CNTNAP4: variants seen among roughly 807,000 people sequenced by gnomAD.
CNTNAP4 encodes contactin associated protein family member 4, also known as contactin-associated protein-like 4.
Under a neutral mutation model 148.4 loss-of-function variants are expected in CNTNAP4, and 98 were observed. That is an observed-to-expected ratio of 0.66 (90% CI 0.56 to 0.78). The LOEUF is 0.78. CNTNAP4 is among the 30% of genes least tolerant of loss of function. CNTNAP4 has a pLI of 0.00. For missense variants in CNTNAP4, 1,935 were observed against 1,565.6 expected (o/e 1.24, Z -3.98); for synonymous variants, 730 against 565.1 (o/e 1.29, Z -4.14).
At chr16:76,512,125 C>A (rs1233399496) in intron 15 of CNTNAP4, among the ~76,000 whole-genome samples, 5 of 151,962 alleles carry the variant, frequency 3.3e-5, no homozygotes, top group Non-Finnish European at 7.4e-5. Flanking sequence ...GCCATATGGT[C>A]CAAGTGTTTG....
chr16:76,292,979 T>G (rs564054443), intron 1 of CNTNAP4, among the ~76,000 whole-genome samples: 23 of 152,240 alleles, frequency 1.5e-4, no homozygotes, highest in African/African-American at 5.5e-4. Flanking sequence ...ACTGATTAAT[T>G]CCAGCCACTT....
Position 76,317,708 on chromosome 16 carries a change from AGTGTGTGTGTGT to A in CNTNAP4, c.196+1192_196+1203del, listed in dbSNP as rs146648270. ...ACATTGGACATGACAAATAGGTAAG[AGTGTGTGTGTGT>A]GTGTGTATGTGTGTGTGTATTTTGC... is the stretch of plus-strand genomic sequence containing the variant. On this transcript the variant is annotated intron_variant, in intron 2 of 23. Coordinates refer to ENST00000611870, the MANE Select transcript of CNTNAP4 (RefSeq NM_033401.5). 4.9e-3 allele frequency among the ~76,000 whole-genome samples: 736 copies of A among 150,698 alleles called. 1 individual carries two copies. The highest frequency in any genetic ancestry group is 0.016 in the African/African-American group (662 of 41,198).
intron 2 of CNTNAP4, among the ~76,000 whole-genome samples, chr16:76,327,889 A>G (rs1422005906): frequency 1.3e-5 from 2 of 151,080 alleles, no homozygotes; most frequent in African/African-American, 2.4e-5. Flanking sequence ...CATCCAAGTC[A>G]ATAACACATT....
intron 3 of CNTNAP4, among the ~76,000 whole-genome samples, chr16:76,372,456 C>G (rs986941694): frequency 6.6e-6 from 1 of 151,946 alleles, no homozygotes; most frequent in African/African-American, 2.4e-5. Context: ...CTGGTCCCAC[C>G]AAAATCTTAT....
intron 21 of CNTNAP4, among the ~76,000 whole-genome samples, chr16:76,548,295 C>CATTTTTTTTTTTTTTTTTTTTT (rs759580311): frequency 5.4e-5 from 5 of 92,908 alleles, no homozygotes; most frequent in Admixed American, 1.3e-4. Flanking sequence ...TTCACTGCAC[C>CATTTTTTTTTTTTTTTTTTTTT]TTTTTTTTTT....
At chr16:76,446,892 G>A (rs9319498) in intron 4 of CNTNAP4, among the ~76,000 whole-genome samples, 150,240 of 152,278 alleles carry the variant, frequency 0.99, 74,138 homozygotes, top group East Asian at 1. Flanking sequence ...AGCCAAAAAA[G>A]CATTTAACTT....
At chr16:76,294,255 G>A (rs1438306306) in intron 1 of CNTNAP4, among the ~76,000 whole-genome samples, 1 of 152,142 alleles carries the variant, frequency 6.6e-6, no homozygotes, top group African/African-American at 2.4e-5. Context: ...AGAGCAGACT[G>A]TGATCCATAC....
At chr16:76,432,281 A>C (rs1355304148) in intron 4 of CNTNAP4, among the ~76,000 whole-genome samples, 1 of 152,172 alleles carries the variant, frequency 6.6e-6, no homozygotes, top group Non-Finnish European at 1.5e-5. Context: ...TGAAAACCAC[A>C]CATAAATTGC....
chr16:76,537,192 A>T (rs1325962603), intron 18 of CNTNAP4, among the ~76,000 whole-genome samples: 1 of 152,140 alleles, frequency 6.6e-6, no homozygotes, highest in Non-Finnish European at 1.5e-5. Context: ...GCTAAGTGCA[A>T]CCGTAAATGT....
chr16:76,301,206 T>A (rs1241180981), intron 1 of CNTNAP4, among the ~76,000 whole-genome samples: 1 of 152,128 alleles, frequency 6.6e-6, no homozygotes, highest in African/African-American at 2.4e-5. Flanking sequence ...ACTATGGGAA[T>A]GATCAATTTT....
At chr16:76,348,869 T>C (rs369809932) in intron 2 of CNTNAP4, among the ~76,000 whole-genome samples, 3 of 133,442 alleles carry the variant, frequency 2.2e-5, no homozygotes, top group Non-Finnish European at 4.9e-5. Flanking sequence ...AAAAAAAAAA[T>C]AGAATGGGGT....
intron 20 of CNTNAP4, 110 bp downstream of exon 20, chr16:76,539,962 C>A (rs1176764675): frequency 4.0e-6 from 3 of 756,344 alleles, no homozygotes; most frequent in Non-Finnish European, 4.2e-6. Flanking sequence ...TTTCATTGGT[C>A]TTCTTCTGCA....
chr16:76,503,963 T>A (rs2082746164), intron 15 of CNTNAP4, among the ~76,000 whole-genome samples: 1 of 151,828 alleles, frequency 6.6e-6, no homozygotes, highest in Non-Finnish European at 1.5e-5. Context: ...ATTAAGAAAA[T>A]TATATTTAAA....
chr16:76,309,644 T>G (rs1244053514), intron 1 of CNTNAP4, among the ~76,000 whole-genome samples: 2 of 152,232 alleles, frequency 1.3e-5, no homozygotes, highest in African/African-American at 2.4e-5. Context: ...TTGGGGCTGA[T>G]AGGATTTGGC....
chr16:76,421,288 G>C (rs1271427273), intron 3 of CNTNAP4, among the ~76,000 whole-genome samples: 1 of 152,008 alleles, frequency 6.6e-6, no homozygotes, highest in Non-Finnish European at 1.5e-5. Context: ...GGTAGAGTTT[G>C]TTAAATAAAA....
At chr16:76,346,432 T>TAAAAAAA (rs59482710) in intron 2 of CNTNAP4, among the ~76,000 whole-genome samples, 19 of 123,716 alleles carry the variant, frequency 1.5e-4, no homozygotes, top group East Asian at 1.2e-3. Flanking sequence ...CTAGGGAAGA[T>TAAAAAAA]AAAAAAAAAA....
chr16:76,541,584 G>T (rs963138215), intron 21 of CNTNAP4, among the ~76,000 whole-genome samples: 4 of 152,092 alleles, frequency 2.6e-5, no homozygotes, highest in African/African-American at 9.7e-5. Context: ...GTCCAAGATA[G>T]TAAATGGAAT....
intron 3 of CNTNAP4, among the ~76,000 whole-genome samples, chr16:76,402,436 TTTC>T (rs2078451832): frequency 1.3e-5 from 2 of 152,014 alleles, no homozygotes. Context: ...TCTTCTCTTT[TTTC>T]TTCTTTATTA....
At chr16:76,424,203 G>T (rs1014259761) in intron 3 of CNTNAP4, among the ~76,000 whole-genome samples, 3 of 152,148 alleles carry the variant, frequency 2.0e-5, no homozygotes, top group Non-Finnish European at 2.9e-5. Flanking sequence ...CCTGTTGGCT[G>T]TCTCTGCCAC....
Sources: gnomAD v4.1 joint callset for allele counts (sites outside exome capture counted in the v4.1 genomes callset) on GRCh38, gnomAD v4.1.1 for gene constraint, MANE v1.5 for transcripts, NCBI Gene and HGNC (gene_info 2026-07-23, HGNC 2026-07-21) for gene names.